NRG4: variants seen among roughly 807,000 people sequenced by gnomAD.
NRG4 encodes neuregulin 4.
Under a neutral mutation model 15.0 loss-of-function variants are expected in NRG4, and 10 were observed. The ratio of observed to expected loss-of-function variants is 0.67; its 90% CI spans 0.41 to 1.13. NRG4 has a LOEUF of 1.13. Ranked by LOEUF, NRG4 falls within the 50% of genes most tolerant of loss-of-function variation. The pLI is 0.00. For synonymous variants in NRG4, 41 were observed against 50.1 expected, an observed-to-expected ratio of 0.82 and a Z score of 0.77; for missense variants, 139 against 140.2, an observed-to-expected ratio of 0.99 and a Z score of 0.04.
intron 3 of NRG4, 101 bp from the exon 4 acceptor site, chr15:75,962,075 A>G: frequency 1.3e-6 from 1 of 791,692 alleles, no homozygotes. Context: ...AAGGAGACTA[A>G]TTTTCAGATT....
rs575075755 is a variant in NRG4, at chr15:75,941,778, T to G, written c.*1860A>C. 7 of 152,180 alleles carry G rather than the reference T, an allele frequency of 4.6e-5. No individual in the cohort carries two copies. The highest frequency in any genetic ancestry group is 1.3e-4 in the Admixed American group (2 of 15,280). The allele number at this position is 152,180 out of a possible 1,614,324, so 9.4% of individuals were successfully genotyped here. The stretch of plus-strand genomic sequence containing the variant: ...CAGGAGGGAATGGGAATTTATTGTT[T>G]AAGGGGCACAGAGATTAGTGTGGGA... On this transcript the variant is annotated 3_prime_UTR_variant, in exon 6 of 6. Coordinates refer to ENST00000394907, the MANE Select transcript of NRG4 (RefSeq NM_138573.4).
chr15:76,029,658 C>G (rs1196982681), intron 5 of NRG4, among the ~76,000 whole-genome samples: 1 of 152,052 alleles, frequency 6.6e-6, no homozygotes, highest in African/African-American at 2.4e-5. Context: ...AAAAAGGAAT[C>G]AAGACAATTC....
intron 4 of NRG4, among the ~76,000 whole-genome samples, chr15:76,044,345 G>A (rs1158881876): frequency 6.6e-6 from 1 of 150,644 alleles, no homozygotes; most frequent in African/African-American, 2.5e-5. Context: ...CATACTTGGG[G>A]AAAGGACAGT....
intron 5 of NRG4, among the ~76,000 whole-genome samples, chr15:76,021,490 G>A (rs185699676): frequency 5.3e-5 from 8 of 152,262 alleles, no homozygotes; most frequent in African/African-American, 1.7e-4. Context: ...TATTGCAGCA[G>A]TCTGAAACCA....
At chr15:75,984,750 A>G (rs1305145937) in intron 3 of NRG4, among the ~76,000 whole-genome samples, 2 of 152,202 alleles carry the variant, frequency 1.3e-5, no homozygotes, top group Non-Finnish European at 2.9e-5. Context: ...ACAAACCTGC[A>G]TGTTCTGTAC....
downstream of NRG4, chr15:75,938,373 C>G (rs1209652787): frequency 6.6e-6 from 1 of 152,088 alleles, no homozygotes; most frequent in Non-Finnish European, 1.5e-5. Flanking sequence ...ATATCCAACT[C>G]TCAAGGAAAA....
chr15:75,946,584 C>A (rs1274411479), intron 5 of NRG4, among the ~76,000 whole-genome samples: 1 of 152,176 alleles, frequency 6.6e-6, no homozygotes, highest in East Asian at 1.9e-4. Context: ...TGGTCTCGAT[C>A]TCCTGACCTC....
exon 2 of NRG4, chr15:76,056,973 TGA>T: frequency 6.6e-6 from 1 of 152,348 alleles, no homozygotes; most frequent in Admixed American, 6.5e-5. Flanking sequence ...TATCTTGGTA[TGA>T]GAGAGAATGC....
rs375638068 is a variant in NRG4, at chr15:76,009,259, C to T, written c.45G>A (p.Ser15=). 1.7e-5 allele frequency: 28 copies of T among 1,601,990 alleles called. No individual in the cohort carries two copies. The highest frequency in any genetic ancestry group is 7.8e-5 in the South Asian group (7 of 89,830). The change falls in exon 3 of 6, where the codon TCG becomes TCA. Residue 15 remains serine (S), a synonymous_variant. Transcript: ENST00000394907. ...HEEPCGPSHK[S]FCLNGGLCYV... is the part of the protein sequence containing the mutation. ...AACAAAGCCCCCCATTCAGGCAAAA[C>T]GACTTGTGACTGGGACCACAGGGCT... is the stretch of plus-strand genomic sequence containing the variant.
At chr15:76,030,224 A>G (rs2035438053) in intron 5 of NRG4, among the ~76,000 whole-genome samples, 1 of 152,112 alleles carries the variant, frequency 6.6e-6, no homozygotes, top group African/African-American at 2.4e-5. Flanking sequence ...ACACCACTGC[A>G]CTCCAGCCTA....
intron 3 of NRG4, among the ~76,000 whole-genome samples, chr15:75,989,141 A>G (rs2033913777): frequency 6.6e-6 from 1 of 152,140 alleles, no homozygotes; most frequent in Non-Finnish European, 1.5e-5. Flanking sequence ...TACAGGCATG[A>G]GCCAGCACAC....
At chr15:75,946,868 T>C (rs2031558896) in intron 5 of NRG4, among the ~76,000 whole-genome samples, 1 of 152,260 alleles carries the variant, frequency 6.6e-6, no homozygotes, top group African/African-American at 2.4e-5. Flanking sequence ...ACCTATGTTG[T>C]GGCATGTTTC....
chr15:75,960,998 G>A (rs1180964797), intron 4 of NRG4, among the ~76,000 whole-genome samples: 2 of 151,992 alleles, frequency 1.3e-5, no homozygotes, highest in Non-Finnish European at 2.9e-5. Context: ...AAGAAATCAG[G>A]ATCTAACAAG....
At chr15:76,047,490 G>A (rs1021352626) in intron 4 of NRG4, among the ~76,000 whole-genome samples, 5 of 150,700 alleles carry the variant, frequency 3.3e-5, no homozygotes, top group African/African-American at 1.2e-4. Flanking sequence ...TGAATCTGGA[G>A]GCCAATTATG....
At chr15:75,971,571 T>C (rs1331292056) in intron 3 of NRG4, among the ~76,000 whole-genome samples, 3 of 152,160 alleles carry the variant, frequency 2.0e-5, no homozygotes, top group Non-Finnish European at 4.4e-5. Flanking sequence ...TTATGTGAGA[T>C]ATAATATCCT....
chr15:75,987,054 C>G (rs2033824331), intron 3 of NRG4, among the ~76,000 whole-genome samples: 1 of 152,170 alleles, frequency 6.6e-6, no homozygotes, highest in African/African-American at 2.4e-5. Flanking sequence ...AACCAAAAGC[C>G]TGGCCTCCAA....
chr15:75,939,748 A>C (rs1444026466), downstream of NRG4: 2 of 152,166 alleles, frequency 1.3e-5, no homozygotes, highest in Non-Finnish European at 2.9e-5. Context: ...AATCAATATA[A>C]TATACTACAT....
intron 3 of NRG4, among the ~76,000 whole-genome samples, chr15:75,998,818 A>G (rs950519882): frequency 2.0e-5 from 3 of 152,352 alleles, no homozygotes; most frequent in Admixed American, 1.3e-4. Context: ...GGGAAGACAT[A>G]TCAATCCTGG....
At chr15:75,989,964 C>G (rs2033944968) in intron 3 of NRG4, among the ~76,000 whole-genome samples, 1 of 152,136 alleles carries the variant, frequency 6.6e-6, no homozygotes, top group Admixed American at 6.5e-5. Flanking sequence ...TGACAGGGTA[C>G]AAATGGAGTA....
Sources: gnomAD v4.1 joint callset for allele counts (sites outside exome capture counted in the v4.1 genomes callset) on GRCh38, gnomAD v4.1.1 for gene constraint, MANE v1.5 for transcripts, NCBI Gene and HGNC (gene_info 2026-07-23, HGNC 2026-07-21) for gene names.